The following MAST1 variants were observed in gnomAD, a reference collection of about 807,000 sequenced individuals.
The protein encoded by MAST1 is microtubule-associated serine/threonine-protein kinase 1.
Under a neutral mutation model 124.6 loss-of-function variants are expected in MAST1, and 40 were observed. The observed-to-expected ratio is 0.32, with a 90% confidence interval of 0.25 to 0.42. MAST1 has a LOEUF of 0.42. Among genes scored for constraint, MAST1 ranks in the 10% least tolerant of loss-of-function variants. The pLI is 1.00. For missense variants in MAST1, 1,558 were observed against 2,181.9 expected (o/e 0.71, Z 5.70); for synonymous variants, 938 against 939.4 (o/e 1.00, Z 0.03).
Position 12,854,123 on chromosome 19 carries a change from CT to C in MAST1, c.1077+1745del, listed in dbSNP as rs533163138. 1.1e-3 allele frequency among the ~76,000 whole-genome samples: 143 copies of C among 126,658 alleles called. 1 individual carries two copies. Among genetic ancestry groups the C allele is most frequent in the Admixed American group, 1.5e-3 (18 of 11,950 alleles). 83.1% of individuals were successfully genotyped at this position (126,658 alleles called of 152,430 possible). A position where few individuals can be genotyped will look rare whatever the true frequency, so the allele number is the denominator to read the frequency against. ...GTGGAATTGCTTTTTCTGGATATTT[CT>C]TTTTTTTTTTTTTTTTGAGACAGAA... On this transcript the variant is annotated intron_variant, in intron 10 of 25. Transcript: ENST00000251472.
rs1279376997 is a variant in MAST1, at chr19:12,847,959, G to A, written c.676G>A (p.Glu226Lys). 6.2e-7 allele frequency: 1 copy of A among 1,613,988 alleles called. No individual in the cohort carries two copies. The highest frequency in any genetic ancestry group is 8.5e-7 in the Non-Finnish European group (1 of 1,179,994). ...VLSFIHHQII[E>K]LARDCLTKSR... ...CAGCTTCATCCACCACCAGATCATC[G>A]AGCTGGCCCGGGACTGCCTGACCAA... The change falls in exon 7 of 26, where the codon GAG (glutamate) becomes AAG (lysine). Residue 226 changes from glutamate (E) to lysine (K), a missense_variant. By Grantham distance (56) the Glu-to-Lys change is moderately conservative. This residue lies in a region of MAST1 where 165 missense variants were observed against 315.3 expected (regional missense o/e 0.52). Transcript: ENST00000251472. The surrounding 1 kb of genome is among the most constrained non-coding windows in gnomAD (Gnocchi z 5.5).
In MAST1 at chr19:12,842,668, G is replaced by A. The variant is rs114970071; in HGVS notation, c.249-861G>A. Among the ~76,000 whole-genome samples the A allele has an allele frequency of 4.3e-3, 662 of 152,274 alleles. 4 individuals are homozygous for A. Among genetic ancestry groups the A allele is most frequent in the African/African-American group, 0.014 (591 of 41,560 alleles). On this transcript the variant is annotated intron_variant, in intron 3 of 25. Coordinates refer to ENST00000251472, the MANE Select transcript of MAST1 (RefSeq NM_014975.3). ...TTGTGCACTCACATGAGCACGCGCC[G>A]ATGTGTGTCCCTGTGTGTGTGCATC...
Position 12,847,145 on chromosome 19 carries a change from A to C in MAST1, c.328-145A>C. The C allele has an allele frequency of 1.6e-6, 1 of 630,488 alleles. No homozygotes were observed. The highest frequency in any genetic ancestry group is 2.8e-6 in the Non-Finnish European group (1 of 355,452). The allele number at this position is 630,488 out of a possible 1,614,324, so 39.1% of individuals were successfully genotyped here. A position where few individuals can be genotyped will look rare whatever the true frequency, so the allele number is the denominator to read the frequency against. The stretch of plus-strand genomic sequence containing the variant: ...TGTCTGTGGCCAAGAGTCCCAGCCA[A>C]GATCCTAGGATCCAAGGATCGTAAA... On this transcript the variant is annotated intron_variant, in intron 4 of 25. Transcript: ENST00000251472. This position sits in a 1 kb window ranked among gnomAD's most constrained non-coding sequence, Gnocchi z 5.5.
At chr19:12,869,366 C>T in intron 22 of MAST1, 71 bp downstream of exon 22, 2 of 1,289,762 alleles carry the variant, frequency 1.6e-6, no homozygotes, top group Non-Finnish European at 2.2e-6. Context: ...CCAGCTCAAA[C>T]CAGTTAGCCT....
At chr19:12,851,030 C>T (rs999912000) in intron 7 of MAST1, among the ~76,000 whole-genome samples, 1 of 150,840 alleles carries the variant, frequency 6.6e-6, no homozygotes, top group East Asian at 2.0e-4. Flanking sequence ...TCACTGCAAC[C>T]TCCACCTCCC....
intron 10 of MAST1, among the ~76,000 whole-genome samples, chr19:12,852,650 C>T (rs1212718166): frequency 6.6e-6 from 1 of 150,484 alleles, no homozygotes; most frequent in African/African-American, 2.5e-5. Flanking sequence ...ACCAGCCTAA[C>T]CAACATGGAG....
rs201213432 is a variant in MAST1, at chr19:12,871,143, G to A, written c.3234G>A (p.Lys1078=). The change falls in exon 24 of 26, where the codon AAG becomes AAA. Residue 1078 remains lysine, a synonymous_variant. Coordinates refer to ENST00000251472, the MANE Select transcript of MAST1 (RefSeq NM_014975.3). ...SYKAKMARRN[K]RPSAKEGQES... ...AGGCTAAAATGGCTCGGAGGAACAA[G>A]CGACCCTCCGCCAAGGAGGGCCAGG... The A allele has an allele frequency of 3.3e-5, 53 of 1,614,214 alleles. No homozygotes were observed. The African/African-American group carries it at 6.9e-4, about 21-fold the overall frequency.
At position 12,847,319 on chromosome 19, in the gene MAST1, C is replaced by T; in HGVS notation, c.357C>T (p.His119=). The change falls in exon 5 of 26, where the codon CAC becomes CAT. Residue 119 remains histidine (H), a synonymous_variant. Transcript: ENST00000251472. This position sits in a 1 kb window ranked among gnomAD's most constrained non-coding sequence, Gnocchi z 5.5. ...CCTGCTCCTCCCAGGAGCGCCTTCA[C>T]CAGCTGCCCTACCAGCCCACGGTGG... ...SSSCSSQERL[H]QLPYQPTVDE... is the part of the protein sequence containing the mutation. 1 of 1,613,866 alleles carries T rather than the reference C, an allele frequency of 6.2e-7. No individual in the cohort carries two copies. Among genetic ancestry groups the T allele is most frequent in the Non-Finnish European group, 8.5e-7 (1 of 1,179,968 alleles).
rs1368621053 is a variant in MAST1, at chr19:12,874,482, GGCC to G, written c.4326_4328del (p.Pro1443del). The G allele has an allele frequency of 3.2e-6, 5 of 1,571,262 alleles. No homozygotes were observed. Among genetic ancestry groups the G allele is most frequent in the Non-Finnish European group, 3.4e-6 (4 of 1,162,192 alleles). ...GTACCCATTGTCGTAGAGCCTGCGC[GGCC>G]CGGGGCTAAGGCTGTGGTGCCTCAG... On this transcript the variant is annotated inframe_deletion, in exon 26 of 26. Coordinates refer to ENST00000251472, the MANE Select transcript of MAST1 (RefSeq NM_014975.3). This position sits in a 1 kb window ranked among gnomAD's most constrained non-coding sequence, Gnocchi z 6.6.
chr19:12,874,468 C>T lies in MAST1; in HGVS notation c.4311C>T (p.Val1437=). ...GEAGTPLVPI[V]VEPARPGAKA... ...CGGGCACACCCCTGGTACCCATTGT[C>T]GTAGAGCCTGCGCGGCCCGGGGCTA... is the stretch of plus-strand genomic sequence containing the variant. Residue 1437 remains valine, a synonymous_variant, in exon 26 of 26, where the codon GTC becomes GTT. Coordinates refer to ENST00000251472, the MANE Select transcript of MAST1 (RefSeq NM_014975.3). The surrounding 1 kb of genome is among the most constrained non-coding windows in gnomAD (Gnocchi z 6.6). 1.3e-6 allele frequency: 2 copies of T among 1,586,350 alleles called. No individual in the cohort carries two copies. Among genetic ancestry groups the T allele is most frequent in the Non-Finnish European group, 1.7e-6 (2 of 1,171,556 alleles).
rs550942410 is a variant in MAST1 at position 12,867,838 on chromosome 19, C to T, written c.2427C>T (p.Ala809=). Residue 809 remains alanine (A), a synonymous_variant, in exon 20 of 26, where the codon GCC becomes GCT. Coordinates refer to ENST00000251472, the MANE Select transcript of MAST1 (RefSeq NM_014975.3). ...SALLEPSRFS[A]PQEDEDEARL... Reference sequence around the variant, plus strand: ...TGCTGGAGCCCAGCCGCTTCAGCGCCCCCCAAGAGGACGAGGATGAGGCCC... The same window carrying T: ...TGCTGGAGCCCAGCCGCTTCAGCGCTCCCCAAGAGGACGAGGATGAGGCCC... 4.0e-5 allele frequency: 64 copies of T among 1,602,450 alleles called. No individual in the cohort carries two copies. The South Asian group carries it at 6.3e-4, about 16-fold the overall frequency.
intron 12 of MAST1, among the ~76,000 whole-genome samples, chr19:12,860,637 G>A (rs1022090007): frequency 3.3e-5 from 5 of 150,556 alleles, no homozygotes; most frequent in African/African-American, 1.2e-4. Flanking sequence ...GTAGAAATAG[G>A]GTTTTCACCA....
At chr19:12,859,748 C>T (rs1470728778) in intron 12 of MAST1, among the ~76,000 whole-genome samples, 2 of 150,456 alleles carry the variant, frequency 1.3e-5, no homozygotes, top group Admixed American at 6.7e-5. Context: ...AAGCCGAGAT[C>T]GTGCTGCTGC....
rs1215377185 is a variant in MAST1, at chr19:12,873,763, C to T, written c.3606C>T (p.Ile1202=). ...CGCGATGCAAGTCGGCCGGCAACAT[C>T]CCTCTATCGCCGCTGGCACACACGC... is the stretch of plus-strand genomic sequence containing the variant. ...RSARCKSAGN[I]PLSPLAHTPS... is the part of the protein sequence containing the mutation. Residue 1202 remains isoleucine, a synonymous_variant, in exon 26 of 26, where the codon ATC becomes ATT. Coordinates refer to ENST00000251472, the MANE Select transcript of MAST1 (RefSeq NM_014975.3). 6.2e-7 allele frequency: 1 copy of T among 1,600,778 alleles called. No homozygotes were observed. The highest frequency in any genetic ancestry group is 8.5e-7 in the Non-Finnish European group (1 of 1,179,158).
At chr19:12,860,047 C>T (rs1970061131) in intron 12 of MAST1, among the ~76,000 whole-genome samples, 2 of 151,768 alleles carry the variant, frequency 1.3e-5, no homozygotes, top group East Asian at 1.9e-4. Flanking sequence ...CCCTCACATC[C>T]CGCAATTTGT....
chr19:12,845,593 A>T (rs950991054), intron 4 of MAST1, among the ~76,000 whole-genome samples: 4 of 151,498 alleles, frequency 2.6e-5, no homozygotes, highest in African/African-American at 9.7e-5. Flanking sequence ...CGAAATAAAA[A>T]AAAATAAAAT....
At chr19:12,854,702 C>T (rs537062110) in intron 10 of MAST1, among the ~76,000 whole-genome samples, 2 of 152,224 alleles carry the variant, frequency 1.3e-5, no homozygotes, top group Admixed American at 6.5e-5. Flanking sequence ...TTAGGATATA[C>T]GTCTAGAGGT....
Position 12,866,260 on chromosome 19 carries a change from G to C in MAST1, c.2029+158G>C, listed in dbSNP as rs186424647. Among the ~76,000 whole-genome samples the C allele has an allele frequency of 3.3e-5, 5 of 152,056 alleles. No homozygotes were observed. The highest frequency in any genetic ancestry group is 7.4e-5 in the Non-Finnish European group (5 of 68,006). ...TGGTGGGGGCGGGGCCAAGTGGGGCGGGGCTGACATACAGGCGGGGCTCAG... is the reference window on the plus strand; with the variant it reads ...TGGTGGGGGCGGGGCCAAGTGGGGCCGGGCTGACATACAGGCGGGGCTCAG... On this transcript the variant is annotated intron_variant, in intron 17 of 25. Coordinates refer to ENST00000251472, the MANE Select transcript of MAST1 (RefSeq NM_014975.3). This position sits in a 1 kb window ranked among gnomAD's most constrained non-coding sequence, Gnocchi z 5.2.
chr19:12,854,538 T>A (rs536331919), intron 10 of MAST1, among the ~76,000 whole-genome samples: 1 of 152,350 alleles, frequency 6.6e-6, no homozygotes, highest in African/African-American at 2.4e-5. Flanking sequence ...GTGTCACTGC[T>A]TCATTCATTT....
Sources: gnomAD v4.1 joint callset for allele counts (sites outside exome capture counted in the v4.1 genomes callset) on GRCh38, gnomAD v4.1.1 for gene constraint, gnomAD v4.1.1 regional missense constraint, Gnocchi (gnomAD v3.1) non-coding constraint, MANE v1.5 for transcripts, NCBI Gene and HGNC (gene_info 2026-07-23, HGNC 2026-07-21) for gene names.